Variants in SND1 observed in about 807,000 individuals in gnomAD.
SND1 encodes the protein staphylococcal nuclease and tudor domain containing 1, also known as staphylococcal nuclease domain-containing protein 1.
A neutral mutation model predicts 121.7 loss-of-function variants in SND1; 38 were observed. That is an observed-to-expected ratio of 0.31 (90% confidence interval 0.24 to 0.41). The LOEUF (loss-of-function observed/expected upper bound fraction) is 0.41. Ranked by LOEUF, SND1 falls within the 10% of genes least tolerant of loss-of-function variation. The pLI is 1.00. For missense variants in SND1, 868 were observed against 1,184.6 expected (o/e 0.73, Z 3.92); for synonymous variants, 401 against 447.4 (o/e 0.90, Z 1.31).
At chr7:127,718,493 C>A (rs571048556) in intron 9 of SND1, 8 of 803,234 alleles carry the variant, frequency 1.0e-5, no homozygotes, top group Non-Finnish European at 1.2e-5. Flanking sequence ...CACGCGGACA[C>A]GCACGCATGC....
intron 15 of SND1, among the ~76,000 whole-genome samples, chr7:127,933,514 T>G (rs1165915837): frequency 6.6e-6 from 1 of 152,242 alleles, no homozygotes; most frequent in Non-Finnish European, 1.5e-5. Context: ...GCATCATGGC[T>G]CTACTGTGTA....
intron 14 of SND1, 111 bp downstream of exon 14, chr7:127,904,930 G>A (rs1423242493): frequency 8.5e-6 from 6 of 709,044 alleles, no homozygotes; most frequent in Admixed American, 6.4e-5. Flanking sequence ...TCCTTTTCAG[G>A]CACTGACTGT....
At position 128,029,288 on chromosome 7, in the gene SND1, G is replaced by A. The variant is rs1236702802; in HGVS notation, c.1779+38232G>A. On this transcript the variant is annotated intron_variant, in intron 16 of 23. Transcript: ENST00000354725. This position sits in a 1 kb window ranked among gnomAD's most constrained non-coding sequence, Gnocchi z 4.2. Reference sequence around the variant, plus strand: ...CCACTGTTACTGTGGTGAAGAAGCTGTAGTTGGAGGTGTTAAGCTCAGCCG... The same window carrying A: ...CCACTGTTACTGTGGTGAAGAAGCTATAGTTGGAGGTGTTAAGCTCAGCCG... The A allele has an allele frequency of 6.2e-7, 1 of 1,614,182 alleles. No homozygotes were observed. Among genetic ancestry groups the A allele is most frequent in the Non-Finnish European group, 8.5e-7 (1 of 1,180,040 alleles).
At chr7:127,743,910 C>A (rs1456400623) in intron 10 of SND1, among the ~76,000 whole-genome samples, 1 of 152,146 alleles carries the variant, frequency 6.6e-6, no homozygotes, top group Non-Finnish European at 1.5e-5. Flanking sequence ...TTCTGCTTCC[C>A]AGGCCTTCCA....
chr7:127,845,550 C>G (rs1799043462), intron 12 of SND1, among the ~76,000 whole-genome samples: 1 of 152,214 alleles, frequency 6.6e-6, no homozygotes, highest in Non-Finnish European at 1.5e-5. Flanking sequence ...ATTATTCTAT[C>G]TGTATAAATT....
At chr7:127,922,359 T>C (rs999375334) in intron 14 of SND1, among the ~76,000 whole-genome samples, 1 of 151,932 alleles carries the variant, frequency 6.6e-6, no homozygotes, top group Non-Finnish European at 1.5e-5. Flanking sequence ...CCTCTAACAT[T>C]ATTTCACTTT....
chr7:127,665,997 G>A (rs1795411628), intron 1 of SND1, among the ~76,000 whole-genome samples: 1 of 152,156 alleles, frequency 6.6e-6, no homozygotes, highest in African/African-American at 2.4e-5. Flanking sequence ...ATTGTGTGTG[G>A]TAATTACTTG....
At chr7:127,840,942 G>A (rs1798953564) in intron 11 of SND1, among the ~76,000 whole-genome samples, 1 of 152,166 alleles carries the variant, frequency 6.6e-6, no homozygotes, top group Non-Finnish European at 1.5e-5. Context: ...TAATTGGCAG[G>A]TGAATGTAGT....
chr7:127,741,207 C>T (rs73723062), intron 10 of SND1, among the ~76,000 whole-genome samples: 2,604 of 152,208 alleles, frequency 0.017, 94 homozygotes, highest in African/African-American at 0.06. Context: ...TTTATTCTCC[C>T]GTAAGAATAC....
intron 16 of SND1, among the ~76,000 whole-genome samples, chr7:128,035,292 G>A (rs1792727175): frequency 6.6e-6 from 1 of 152,214 alleles, no homozygotes. Context: ...TCTCAGATAT[G>A]TAGCTCTGTG....
At chr7:127,653,903 A>C (rs1795166853) in intron 1 of SND1, among the ~76,000 whole-genome samples, 1 of 152,220 alleles carries the variant, frequency 6.6e-6, no homozygotes, top group South Asian at 2.1e-4. Flanking sequence ...TTTTCCTCTG[A>C]AATACTGACC....
At chr7:127,993,287 C>G (rs1471736332) in intron 16 of SND1, among the ~76,000 whole-genome samples, 3 of 152,202 alleles carry the variant, frequency 2.0e-5, no homozygotes, top group Non-Finnish European at 4.4e-5. Context: ...TTTACTTTTA[C>G]CTATGTAGTA....
At chr7:127,748,096 AAC>A (rs765671982) in intron 10 of SND1, among the ~76,000 whole-genome samples, 11 of 152,214 alleles carry the variant, frequency 7.2e-5, no homozygotes, top group Non-Finnish European at 1.6e-4. Flanking sequence ...GCCCAGTGGA[AAC>A]ACAAACTTGC....
intron 10 of SND1, among the ~76,000 whole-genome samples, chr7:127,771,477 C>T (rs566142184): frequency 4.6e-5 from 7 of 152,144 alleles, no homozygotes; most frequent in African/African-American, 9.6e-5. Context: ...ATGAATCATA[C>T]GGAATGAATG....
intron 10 of SND1, among the ~76,000 whole-genome samples, chr7:127,753,160 AT>A (rs1563001195): frequency 6.6e-6 from 1 of 152,200 alleles, no homozygotes; most frequent in Non-Finnish European, 1.5e-5. Flanking sequence ...CTGCTCTTGG[AT>A]AATGAATTCC....
At chr7:127,689,305 G>T (rs1466947253) in intron 2 of SND1, among the ~76,000 whole-genome samples, 2 of 152,122 alleles carry the variant, frequency 1.3e-5, no homozygotes, top group Non-Finnish European at 2.9e-5. Flanking sequence ...CACATTTTGG[G>T]CATTAACAAA....
At chr7:127,688,065 C>T (rs551494356) in intron 2 of SND1, among the ~76,000 whole-genome samples, 4 of 152,088 alleles carry the variant, frequency 2.6e-5, no homozygotes, top group East Asian at 3.9e-4. Context: ...TTTGTGTAAA[C>T]GTGAATTGTT....
At chr7:128,018,123 C>T (rs1209539887) in intron 16 of SND1, among the ~76,000 whole-genome samples, 1 of 152,268 alleles carries the variant, frequency 6.6e-6, no homozygotes, top group Non-Finnish European at 1.5e-5. Context: ...TTCCCCAGTA[C>T]TGCTCAGGGC....
At chr7:127,667,172 T>C (rs1795433102) in intron 1 of SND1, among the ~76,000 whole-genome samples, 1 of 152,174 alleles carries the variant, frequency 6.6e-6, no homozygotes, top group Non-Finnish European at 1.5e-5. Flanking sequence ...TGTATATAAA[T>C]CTGAGTAAGT....
Sources: allele counts gnomAD v4.1 joint callset (sites outside exome capture counted in the v4.1 genomes callset), GRCh38; gene constraint gnomAD v4.1.1; non-coding constraint Gnocchi (gnomAD v3.1); transcripts MANE v1.5; gene names NCBI Gene and HGNC (gene_info 2026-07-23, HGNC 2026-07-21).